Variants in FN3KRP observed in about 807,000 individuals in gnomAD.
FN3KRP encodes fructosamine 3 kinase related protein.
In FN3KRP, 33 loss-of-function variants were observed where a neutral mutation model predicts 29.8. The ratio of observed to expected loss-of-function variants is 1.11; its 90% CI spans 0.84 to 1.48. The LOEUF is 1.48. FN3KRP is among the 40% of genes most tolerant of loss of function. The pLI is 0.00. For missense variants in FN3KRP, 430 were observed against 402.6 expected (o/e 1.07, Z -0.58); for synonymous variants, 157 against 155.2 (o/e 1.01, Z -0.09).
intron 1 of FN3KRP, chr17:82,718,339 G>C: frequency 1.1e-6 from 1 of 890,338 alleles, no homozygotes. Flanking sequence ...GGACCCAAGG[G>C]AGGAGTTGCT....
At position 82,718,628 on chromosome 17, in the gene FN3KRP, C is replaced by T. The variant is rs60624903; in HGVS notation, c.142-278C>T. The T allele has an allele frequency of 1.2e-3, 1,463 of 1,190,092 alleles. 49 individuals are homozygous for T. In the East Asian group the frequency reaches 0.047, roughly 38 times the overall value. 73.7% of individuals were successfully genotyped at this position (1,190,092 alleles called of 1,614,324 possible). ...GATCTTAGTGGAATATTAGTGCCTT[C>T]GATTTTCCTCTCTCCAGAGAACCTC... is the stretch of plus-strand genomic sequence containing the variant. On this transcript the variant is annotated intron_variant, in intron 1 of 5. Coordinates refer to ENST00000269373, the MANE Select transcript of FN3KRP (RefSeq NM_024619.4).
intron 3 of FN3KRP, chr17:82,720,752 C>CCTT (rs3830531): frequency 0.39 from 63,214 of 162,200 alleles, 12,688 homozygotes; most frequent in South Asian, 0.59. Context: ...TCATGTCTGA[C>CCTT]CTTTCCAGAG....
In FN3KRP at chr17:82,726,562, C is replaced by G; in HGVS notation, c.551C>G (p.Ser184Cys). ...CAGATGGACATGGTGGAGAAGGAGT[C>G]TGGGGACAGGGAGGCCCTCCAGCTT... ...QPQMDMVEKE[S>C]GDREALQLWS... is the part of the protein sequence containing the mutation. The change falls in exon 5 of 6, where the codon TCT becomes TGT. Residue 184 changes from serine (S) to cysteine (C), a missense_variant. Transcript: ENST00000269373. 1 of 1,614,138 alleles carries G rather than the reference C, an allele frequency of 6.2e-7. No homozygotes were observed. Among genetic ancestry groups the G allele is most frequent in the Non-Finnish European group, 8.5e-7 (1 of 1,180,016 alleles).
At chr17:82,724,912 C>T (rs2046826658) in intron 4 of FN3KRP, among the ~76,000 whole-genome samples, 1 of 151,770 alleles carries the variant, frequency 6.6e-6, no homozygotes. Context: ...AGGTTCACGC[C>T]ATTCTTCTGC....
intron 4 of FN3KRP, among the ~76,000 whole-genome samples, chr17:82,725,610 C>T (rs1052688017): frequency 1.3e-5 from 2 of 152,092 alleles, no homozygotes; most frequent in African/African-American, 2.4e-5. Flanking sequence ...CCACCACGTC[C>T]GGCTAATTTT....
intron 4 of FN3KRP, among the ~76,000 whole-genome samples, chr17:82,726,171 A>G (rs2046835547): frequency 6.6e-6 from 1 of 151,836 alleles, no homozygotes; most frequent in Admixed American, 6.6e-5. Flanking sequence ...TGAGAGCGAA[A>G]CTCTATCTCA....
chr17:82,718,794 C>G, intron 1 of FN3KRP, 112 bp from the exon 2 acceptor site: 1 of 1,340,944 alleles, frequency 7.5e-7, no homozygotes, highest in Non-Finnish European at 1.0e-6. Context: ...AATCCTCAGT[C>G]AGGATAGTCT....
At chr17:82,722,512 T>A (rs909508837) in intron 3 of FN3KRP, 6 of 363,978 alleles carry the variant, frequency 1.6e-5, no homozygotes, top group African/African-American at 1.0e-4. Context: ...GCCCGCAGGC[T>A]GCCTGTCCTG....
At chr17:82,726,766 G>A (rs924778945) in intron 5 of FN3KRP, 67 bp from the exon 6 acceptor site, 17 of 1,485,834 alleles carry the variant, frequency 1.1e-5, no homozygotes, top group Non-Finnish European at 1.5e-5. Flanking sequence ...GGGCGGTGGG[G>A]ACCTGGAGCG....
chr17:82,725,754 C>T (rs953480174), intron 4 of FN3KRP, among the ~76,000 whole-genome samples: 9 of 152,206 alleles, frequency 5.9e-5, no homozygotes, highest in Admixed American at 1.3e-4. Context: ...CAAAATGGCA[C>T]AGACACAAGG....
At chr17:82,722,700 C>A in intron 3 of FN3KRP, 104 bp from the exon 4 acceptor site, 1 of 1,071,136 alleles carries the variant, frequency 9.3e-7, no homozygotes, top group Non-Finnish European at 1.4e-6. Context: ...GGGGCATAAG[C>A]TGGTAGGAGC....
intron 4 of FN3KRP, among the ~76,000 whole-genome samples, chr17:82,726,195 GA>G (rs201175129): frequency 6.0e-5 from 9 of 150,838 alleles, no homozygotes; most frequent in Non-Finnish European, 8.9e-5. Context: ...AAAAGAAAAA[GA>G]AAAAAAAATG....
chr17:82,722,736 C>T (rs2046806888), intron 3 of FN3KRP, 68 bp from the exon 4 acceptor site: 10 of 1,504,352 alleles, frequency 6.6e-6, no homozygotes, highest in Non-Finnish European at 9.2e-6. Flanking sequence ...CTGAAGGTGA[C>T]TCAGTTTCGA....
At chr17:82,726,428 C>T (rs1039813199) in intron 4 of FN3KRP, 52 bp from the exon 5 acceptor site, 7 of 1,590,450 alleles carry the variant, frequency 4.4e-6, no homozygotes, top group Middle Eastern at 1.7e-4. Flanking sequence ...GCTGAGCTCT[C>T]CCTTGGTTCT....
Position 82,727,254 on chromosome 17 carries a change from C to A in FN3KRP, c.*83C>A. ...AATTCTTGTTTCTTCACATGCTGGA[C>A]TAGCTTAAGACCAATGCAGTAGCTT... On this transcript the variant is annotated 3_prime_UTR_variant, in exon 6 of 6. Coordinates refer to ENST00000269373, the MANE Select transcript of FN3KRP (RefSeq NM_024619.4). 1.7e-6 allele frequency: 2 copies of A among 1,209,160 alleles called. No individual in the cohort carries two copies. The highest frequency in any genetic ancestry group is 2.4e-6 in the Non-Finnish European group (2 of 848,336). 74.9% of individuals were successfully genotyped at this position (1,209,160 alleles called of 1,614,324 possible).
chr17:82,717,542 A>ACCCC (rs11426847), intron 1 of FN3KRP, among the ~76,000 whole-genome samples: 12 of 152,002 alleles, frequency 7.9e-5, no homozygotes, highest in African/African-American at 2.7e-4. Flanking sequence ...ACAAGGTGAA[A>ACCCC]CCCCCGTCTC....
rs527545776 is a variant in FN3KRP at position 82,726,700 on chromosome 17, A to G, written c.591+98A>G. 2.3e-5 allele frequency: 35 copies of G among 1,521,708 alleles called. No homozygotes were observed. The South Asian group carries it at 4.3e-4, about 19-fold the overall frequency. The allele number at this position is 1,521,708 out of a possible 1,614,324, so 94.3% of individuals were successfully genotyped here. A position where few individuals can be genotyped will look rare whatever the true frequency, so the allele number is the denominator to read the frequency against. On this transcript the variant is annotated intron_variant, in intron 5 of 5. Transcript: ENST00000269373. ...GCAGGTGAGGCCACCTCTGAGTCTG[A>G]TTCTGGGTGGGAAGCGGGTGCCTGG...
In FN3KRP at chr17:82,726,664, G is replaced by A. The variant is rs1222818663; in HGVS notation, c.591+62G>A. 5 of 1,564,824 alleles carry A rather than the reference G, an allele frequency of 3.2e-6. No individual in the cohort carries two copies. The East Asian group carries it at 1.1e-4, about 35-fold the overall frequency. ...CACACCCCACTTGCCTGAGGTAGGG[G>A]AGGCACCAAGGCAGGTGAGGCCACC... On this transcript the variant is annotated intron_variant, in intron 5 of 5. Coordinates refer to ENST00000269373, the MANE Select transcript of FN3KRP (RefSeq NM_024619.4).
rs748567989 is a variant in FN3KRP at position 82,718,937 on chromosome 17, G to A, written c.173G>A (p.Ser58Asn). ...AGAATGTTTGAAGGTGAGATGGCAA[G>A]TTTAACTGCCATCCTGAAAACAAAC... is the stretch of plus-strand genomic sequence containing the variant. ...ARRMFEGEMA[S>N]LTAILKTNTV... The change falls in exon 2 of 6, where the codon AGT becomes AAT. Residue 58 changes from serine to asparagine, a missense_variant. Coordinates refer to ENST00000269373, the MANE Select transcript of FN3KRP (RefSeq NM_024619.4). The A allele has an allele frequency of 2.5e-6, 4 of 1,614,018 alleles. No homozygotes were observed. The African/African-American group carries it at 4.0e-5, about 16-fold the overall frequency.
Sources: allele counts gnomAD v4.1 joint callset (sites outside exome capture counted in the v4.1 genomes callset), GRCh38; gene constraint gnomAD v4.1.1; transcripts MANE v1.5; gene names NCBI Gene and HGNC (gene_info 2026-07-23, HGNC 2026-07-21).